The following GOLM2 variants were observed in gnomAD, a reference collection of about 807,000 sequenced individuals.
GOLM2 encodes golgi membrane protein 2.
A neutral mutation model predicts 55.9 loss-of-function variants in GOLM2; 26 were observed. That is an observed-to-expected ratio of 0.47 (90% CI 0.34 to 0.65). The LOEUF is 0.65. Among genes scored for constraint, GOLM2 ranks in the 30% least tolerant of loss-of-function variants. GOLM2 has a pLI of 0.01. For missense variants in GOLM2, 486 were observed against 531.8 expected, an observed-to-expected ratio of 0.91 and a Z score of 0.85; for synonymous variants, 165 against 194.6, an observed-to-expected ratio of 0.85 and a Z score of 1.27.
At chr15:44,332,908 A>C (rs1355309593) in intron 4 of GOLM2, among the ~76,000 whole-genome samples, 1 of 152,102 alleles carries the variant, frequency 6.6e-6, no homozygotes, top group Non-Finnish European at 1.5e-5. Context: ...AATTGTCTGA[A>C]GATTACTAAT....
chr15:44,341,486 A>C (rs542509620), intron 6 of GOLM2, among the ~76,000 whole-genome samples: 1 of 152,212 alleles, frequency 6.6e-6, no homozygotes, highest in East Asian at 1.9e-4. Flanking sequence ...GCCACCAGGA[A>C]ATTCCAGTGT....
intron 8 of GOLM2, 62 bp from the exon 9 acceptor site, chr15:44,402,825 C>G: frequency 6.5e-7 from 1 of 1,545,982 alleles, no homozygotes; most frequent in South Asian, 1.1e-5. Context: ...GTCTGCCTTC[C>G]GTATAGATTC....
intron 6 of GOLM2, among the ~76,000 whole-genome samples, chr15:44,361,011 C>A (rs2079233768): frequency 1.3e-5 from 2 of 151,044 alleles, no homozygotes; most frequent in South Asian, 4.3e-4. Flanking sequence ...CCAACGAGAA[C>A]AAAGACACAA....
At chr15:44,344,316 TG>T (rs2079109337) in intron 6 of GOLM2, among the ~76,000 whole-genome samples, 1 of 149,864 alleles carries the variant, frequency 6.7e-6, no homozygotes, top group South Asian at 2.1e-4. Context: ...TATATACCTC[TG>T]AAATAGTCAA....
intron 6 of GOLM2, among the ~76,000 whole-genome samples, chr15:44,345,416 G>A (rs1388896199): frequency 1.3e-5 from 2 of 151,726 alleles, no homozygotes; most frequent in Non-Finnish European, 2.9e-5. Context: ...CCGCCACCAC[G>A]CCCAGCTAAT....
intron 6 of GOLM2, among the ~76,000 whole-genome samples, chr15:44,341,770 C>T (rs1213203710): frequency 1.4e-5 from 2 of 146,780 alleles, no homozygotes; most frequent in South Asian, 2.2e-4. Context: ...GATCTTGGCT[C>T]ACTGCATCCT....
chr15:44,302,216 C>T (rs1026385078), intron 1 of GOLM2, among the ~76,000 whole-genome samples: 4 of 149,778 alleles, frequency 2.7e-5, no homozygotes, highest in African/African-American at 9.9e-5. Flanking sequence ...ACGATCTTGG[C>T]TCACTGCAAC....
chr15:44,338,437 C>A, intron 6 of GOLM2, 120 bp downstream of exon 6: 1 of 708,564 alleles, frequency 1.4e-6, no homozygotes, highest in Non-Finnish European at 2.3e-6. Flanking sequence ...GATATTTCTA[C>A]TTAATTAAGT....
At chr15:44,338,979 A>G (rs907708172) in intron 6 of GOLM2, among the ~76,000 whole-genome samples, 4 of 152,018 alleles carry the variant, frequency 2.6e-5, no homozygotes, top group Admixed American at 2.6e-4. Flanking sequence ...CTTGGCTATT[A>G]ATGGTACTCC....
Position 44,288,802 on chromosome 15 carries a change from G to A in GOLM2, c.-228G>A. ...GTTCCCTTGGGCAGGTGCAGGGTCG[G>A]GTTCAAAGCCTCCGGAACGCGTTTT... On this transcript the variant is annotated 5_prime_UTR_variant, in exon 1 of 10. Transcript: ENST00000299957. 1.8e-6 allele frequency: 1 copy of A among 565,538 alleles called. No homozygotes were observed. Among genetic ancestry groups the A allele is most frequent in the Non-Finnish European group, 3.1e-6 (1 of 321,490 alleles). 35.0% of individuals were successfully genotyped at this position (565,538 alleles called of 1,614,324 possible). A position where few individuals can be genotyped will look rare whatever the true frequency, so the allele number is the denominator to read the frequency against.
At chr15:44,344,756 C>CTTAT (rs925132441) in intron 6 of GOLM2, among the ~76,000 whole-genome samples, 3 of 150,926 alleles carry the variant, frequency 2.0e-5, no homozygotes, top group Non-Finnish European at 3.0e-5. Context: ...ACATGCAAAA[C>CTTAT]TTATTTATTT....
intron 1 of GOLM2, among the ~76,000 whole-genome samples, chr15:44,310,452 CTCTA>C (rs1194891044): frequency 4.4e-5 from 6 of 137,258 alleles, no homozygotes; most frequent in Admixed American, 7.2e-5. Context: ...CTCTCTCTCT[CTCTA>C]TATATATATA....
rs186255758 is a variant in GOLM2 at position 44,340,206 on chromosome 15, A to G, written c.802+1889A>G. Among the ~76,000 whole-genome samples the G allele has an allele frequency of 2.0e-5, 3 of 152,164 alleles. No individual in the cohort carries two copies. In the East Asian group the frequency reaches 5.8e-4, roughly 29 times the overall value. ...ACTCCTGGGCTTACGTGATCCTCCC[A>G]AAGTGCTAGGATTACAAACATGGGT... On this transcript the variant is annotated intron_variant, in intron 6 of 9. Coordinates refer to ENST00000299957, the MANE Select transcript of GOLM2 (RefSeq NM_138423.4).
At chr15:44,346,421 A>C (rs2079125031) in intron 6 of GOLM2, among the ~76,000 whole-genome samples, 1 of 152,120 alleles carries the variant, frequency 6.6e-6, no homozygotes, top group African/African-American at 2.4e-5. Context: ...AGGTGATTAC[A>C]TTATGTAGCT....
At chr15:44,392,231 A>G (rs557184054) in intron 8 of GOLM2, among the ~76,000 whole-genome samples, 2 of 152,296 alleles carry the variant, frequency 1.3e-5, no homozygotes, top group Admixed American at 1.3e-4. Context: ...AACACTCCCC[A>G]ACCCATTTTA....
chr15:44,390,484 G>A (rs916184503), intron 8 of GOLM2: 7 of 152,030 alleles, frequency 4.6e-5, no homozygotes, highest in African/African-American at 1.4e-4. Context: ...ATTTAACAGT[G>A]GTTATTAATC....
intron 7 of GOLM2, among the ~76,000 whole-genome samples, chr15:44,380,048 C>T (rs1352961925): frequency 6.6e-6 from 1 of 152,176 alleles, no homozygotes; most frequent in Non-Finnish European, 1.5e-5. Flanking sequence ...CCTTTCCTCT[C>T]TGCCTGCTAT....
intron 6 of GOLM2, among the ~76,000 whole-genome samples, chr15:44,370,424 G>A (rs1035971435): frequency 6.6e-6 from 1 of 152,102 alleles, no homozygotes; most frequent in Non-Finnish European, 1.5e-5. Flanking sequence ...TTAGTCTAGT[G>A]TGGTGATGTG....
At chr15:44,398,815 C>CA (rs1334862039) in intron 8 of GOLM2, among the ~76,000 whole-genome samples, 1 of 151,750 alleles carries the variant, frequency 6.6e-6, no homozygotes, top group Non-Finnish European at 1.5e-5. Flanking sequence ...TACAGCCACC[C>CA]ACCACCACAG....
Sources: gnomAD v4.1 joint callset for allele counts (sites outside exome capture counted in the v4.1 genomes callset) on GRCh38, gnomAD v4.1.1 for gene constraint, MANE v1.5 for transcripts, NCBI Gene and HGNC (gene_info 2026-07-23, HGNC 2026-07-21) for gene names.